ABLIM2: variants seen among roughly 807,000 people sequenced by gnomAD.
The protein encoded by ABLIM2 is actin binding LIM protein family member 2.
ABLIM2 carries 53 observed loss-of-function variants against 97.7 expected under a neutral mutation model. That is an observed-to-expected ratio of 0.54 (90% CI 0.44 to 0.68). The LOEUF is 0.68. Ranked by LOEUF, ABLIM2 falls within the 30% of genes least tolerant of loss-of-function variation. The pLI is 0.00. For missense variants in ABLIM2, 835 were observed against 867.2 expected, an observed-to-expected ratio of 0.96 and a Z score of 0.47; for synonymous variants, 361 against 345.8, an observed-to-expected ratio of 1.04 and a Z score of -0.49.
intron 16 of ABLIM2, among the ~76,000 whole-genome samples, chr4:7,995,650 T>C (rs1752774889): frequency 6.6e-6 from 1 of 152,138 alleles, no homozygotes; most frequent in African/African-American, 2.4e-5. Flanking sequence ...GTGGAAAGGT[T>C]CCACATGGGG....
chr4:8,084,945 G>A (rs910058869), intron 4 of ABLIM2, among the ~76,000 whole-genome samples: 6 of 152,216 alleles, frequency 3.9e-5, no homozygotes, highest in Non-Finnish European at 7.3e-5. Context: ...TGACAGGCTC[G>A]TGACCAGCAA....
chr4:8,136,518 G>T (rs1334253304), intron 1 of ABLIM2, among the ~76,000 whole-genome samples: 1 of 152,226 alleles, frequency 6.6e-6, no homozygotes, highest in Non-Finnish European at 1.5e-5. Context: ...TCCAAAACTA[G>T]ACATGGGGGA....
At position 8,139,960 on chromosome 4, in the gene ABLIM2, G is replaced by T. The variant is rs550958307; in HGVS notation, c.10+18720C>A. Among the ~76,000 whole-genome samples the T allele has an allele frequency of 2.6e-4, 40 of 152,206 alleles. No homozygotes were observed. In the South Asian group the frequency reaches 8.3e-3, roughly 32 times the overall value. On this transcript the variant is annotated intron_variant, in intron 1 of 20. Coordinates refer to ENST00000447017, the MANE Select transcript of ABLIM2 (RefSeq NM_001130083.2). ...AGATCGTGTCCTTTGCAAGGACATG[G>T]ATAGAACTGGAAGCCATTATCCTTA...
Position 8,112,930 on chromosome 4 carries a change from G to A in ABLIM2, c.11-6293C>T, listed in dbSNP as rs1379506660. Among the ~76,000 whole-genome samples, 1 of 152,166 alleles carries A rather than the reference G, an allele frequency of 6.6e-6. No individual in the cohort carries two copies. The highest frequency in any genetic ancestry group is 6.5e-5 in the Admixed American group (1 of 15,280). On this transcript the variant is annotated intron_variant, in intron 1 of 20. Coordinates refer to ENST00000447017, the MANE Select transcript of ABLIM2 (RefSeq NM_001130083.2). This position sits in a 1 kb window ranked among gnomAD's most constrained non-coding sequence, Gnocchi z 4.2. ...GGAGCAGACGCACTGTCAGGTACTGGGGAGAGAGGTGTGCCATTCAGCACC... is the reference window on the plus strand; with the variant it reads ...GGAGCAGACGCACTGTCAGGTACTGAGGAGAGAGGTGTGCCATTCAGCACC...
At chr4:8,108,230 C>T (rs558167020) in intron 1 of ABLIM2, among the ~76,000 whole-genome samples, 3 of 152,372 alleles carry the variant, frequency 2.0e-5, no homozygotes, top group Admixed American at 6.5e-5. Flanking sequence ...ATTCTGCCAG[C>T]CACTCCTTGT....
chr4:8,092,835 A>T (rs978943277), intron 3 of ABLIM2, among the ~76,000 whole-genome samples: 1 of 151,434 alleles, frequency 6.6e-6, no homozygotes, highest in African/African-American at 2.4e-5. Context: ...TCTCTATTAA[A>T]CTCTTTTGTC....
At chr4:8,025,601 T>C (rs1776809751) in intron 12 of ABLIM2, among the ~76,000 whole-genome samples, 1 of 151,666 alleles carries the variant, frequency 6.6e-6, no homozygotes, top group African/African-American at 2.4e-5. Flanking sequence ...CACCCTGAAG[T>C]GGTAAGAATT....
At chr4:8,086,982 T>A (rs960148733) in intron 4 of ABLIM2, among the ~76,000 whole-genome samples, 12 of 151,274 alleles carry the variant, frequency 7.9e-5, no homozygotes, top group African/African-American at 2.9e-4. Flanking sequence ...GCTCACAGAG[T>A]CAAATTATAA....
intron 14 of ABLIM2, among the ~76,000 whole-genome samples, chr4:8,018,776 T>C (rs1771349949): frequency 6.6e-6 from 1 of 152,234 alleles, no homozygotes; most frequent in Non-Finnish European, 1.5e-5. Flanking sequence ...AATATGGAAA[T>C]GCCTTTTCCC....
rs1338411487 is a variant in ABLIM2, at chr4:8,068,457, C to G, written c.676-7403G>C. Reference sequence around the variant, plus strand: ...CCCCACTGTGACGTGCAGAATAGGGCCAGCAGGACAGAGGTGTGGCAAAGC... The same window carrying G: ...CCCCACTGTGACGTGCAGAATAGGGGCAGCAGGACAGAGGTGTGGCAAAGC... On this transcript the variant is annotated intron_variant, in intron 6 of 20. Transcript: ENST00000447017. This position sits in a 1 kb window ranked among gnomAD's most constrained non-coding sequence, Gnocchi z 4.5. Among the ~76,000 whole-genome samples, 1 of 152,158 alleles carries G rather than the reference C, an allele frequency of 6.6e-6. No homozygotes were observed. Among genetic ancestry groups the G allele is most frequent in the Non-Finnish European group, 1.5e-5 (1 of 68,024 alleles).
rs1166117537 is a variant in ABLIM2, at chr4:8,113,201, C to A, written c.11-6564G>T. Among the ~76,000 whole-genome samples the A allele has an allele frequency of 6.6e-6, 1 of 152,132 alleles. No homozygotes were observed. Among genetic ancestry groups the A allele is most frequent in the African/African-American group, 2.4e-5 (1 of 41,414 alleles). On this transcript the variant is annotated intron_variant, in intron 1 of 20. Transcript: ENST00000447017. The surrounding 1 kb of genome is among the most constrained non-coding windows in gnomAD (Gnocchi z 4.5). ...CCTCAACCTCCCGGGATCAAGCCAT[C>A]CTCCCACCTCAGCCTCCCGAGTAGC...
rs1757639521 is a variant in ABLIM2, at chr4:8,002,113, G to T, written c.1618+5946C>A. Among the ~76,000 whole-genome samples the T allele has an allele frequency of 6.6e-6, 1 of 152,112 alleles. No homozygotes were observed. On this transcript the variant is annotated intron_variant, in intron 16 of 20. Coordinates refer to ENST00000447017, the MANE Select transcript of ABLIM2 (RefSeq NM_001130083.2). This position sits in a 1 kb window ranked among gnomAD's most constrained non-coding sequence, Gnocchi z 6.1. Reference sequence around the variant, plus strand: ...ACGTACTCACAGTTGGAGTGGCTGGGGCTACCAACTCCCACGGTTCCAGTC... The same window carrying T: ...ACGTACTCACAGTTGGAGTGGCTGGTGCTACCAACTCCCACGGTTCCAGTC...
chr4:8,050,083 C>T (rs1795011737), intron 8 of ABLIM2, among the ~76,000 whole-genome samples: 1 of 152,228 alleles, frequency 6.6e-6, no homozygotes, highest in African/African-American at 2.4e-5. Context: ...TTGAGTTGTC[C>T]CACTTTCTCG....
intron 12 of ABLIM2, 39 bp from the exon 13 acceptor site, chr4:8,020,342 A>G: frequency 6.5e-7 from 1 of 1,539,050 alleles, no homozygotes; most frequent in Non-Finnish European, 9.0e-7. Flanking sequence ...TAGAAGGGGA[A>G]ACGGGAAAGC....
At chr4:8,096,087 GGT>G in intron 3 of ABLIM2, among the ~76,000 whole-genome samples, 1 of 152,136 alleles carries the variant, frequency 6.6e-6, no homozygotes, top group Admixed American at 6.5e-5. Context: ...GCTCCCCTTG[GGT>G]CTCTCCCCCA....
At chr4:8,079,148 G>C (rs922722274) in intron 5 of ABLIM2, among the ~76,000 whole-genome samples, 1 of 152,250 alleles carries the variant, frequency 6.6e-6, no homozygotes, top group African/African-American at 2.4e-5. Flanking sequence ...CGCTCAGAGA[G>C]TGGCAGCCCT....
intron 6 of ABLIM2, among the ~76,000 whole-genome samples, chr4:8,070,098 TTG>T (rs772629912): frequency 2.0e-4 from 30 of 152,074 alleles, no homozygotes; most frequent in Non-Finnish European, 4.0e-4. Flanking sequence ...TTCTGTGTGT[TTG>T]TGTGTCTGCA....
chr4:7,975,939 T>C (rs1377777192), intron 20 of ABLIM2, among the ~76,000 whole-genome samples: 1 of 152,138 alleles, frequency 6.6e-6, no homozygotes, highest in African/African-American at 2.4e-5. Context: ...TTCTTAAACA[T>C]ATGTCCCACG....
rs13151374 is a variant in ABLIM2 at position 8,120,494 on chromosome 4, G to A, written c.11-13857C>T. Among the ~76,000 whole-genome samples, 23,131 of 152,104 alleles carry A rather than the reference G, an allele frequency of 0.15. 2,010 individuals carry two copies. Among genetic ancestry groups the A allele is most frequent in the South Asian group, 0.29 (1,408 of 4,798 alleles). ...CAGAGGGAACCCAACATGAAGACGC[G>A]GGAGAAGATGGCGACTTAGATGCCA... On this transcript the variant is annotated intron_variant, in intron 1 of 20. Transcript: ENST00000447017. The surrounding 1 kb of genome is among the most constrained non-coding windows in gnomAD (Gnocchi z 5.6).
Sources: allele counts gnomAD v4.1 joint callset (sites outside exome capture counted in the v4.1 genomes callset), GRCh38; gene constraint gnomAD v4.1.1; non-coding constraint Gnocchi (gnomAD v3.1); transcripts MANE v1.5; gene names NCBI Gene and HGNC (gene_info 2026-07-23, HGNC 2026-07-21).